SIRPA: variants seen among roughly 807,000 people sequenced by gnomAD.
SIRPA encodes tyrosine-protein phosphatase non-receptor type substrate 1.
A neutral mutation model predicts 50.3 loss-of-function variants in SIRPA; 9 were observed. That is an observed-to-expected ratio of 0.18 (90% CI 0.11 to 0.31). SIRPA has a LOEUF of 0.31. SIRPA is among the 10% of genes least tolerant of loss of function. The pLI is 1.00. For synonymous variants in SIRPA, 265 were observed against 284.1 expected, an observed-to-expected ratio of 0.93 and a Z score of 0.68; for missense variants, 474 against 661.6, an observed-to-expected ratio of 0.72 and a Z score of 3.11.
At chr20:1,895,766 C>T (rs547472341) in intron 1 of SIRPA, among the ~76,000 whole-genome samples, 11 of 152,234 alleles carry the variant, frequency 7.2e-5, no homozygotes, top group Admixed American at 4.6e-4. Flanking sequence ...GACTCTGACT[C>T]TGTGCACTGT....
At chr20:1,894,389 G>A (rs1983629824), upstream of SIRPA, 1 of 152,118 alleles carries the variant, frequency 6.6e-6, no homozygotes, top group African/African-American at 2.4e-5. The surrounding 1 kb of genome is among the most constrained non-coding windows in gnomAD (Gnocchi z 4.0). Context: ...TCCACCTTAA[G>A]AGGACGATGT....
rs1213096005 is a variant in SIRPA, at chr20:1,933,129, C to A, written c.1227-1586C>A. On this transcript the variant is annotated intron_variant, in intron 6 of 7. Coordinates refer to ENST00000358771, the MANE Select transcript of SIRPA (RefSeq NM_001040023.2). This position sits in a 1 kb window ranked among gnomAD's most constrained non-coding sequence, Gnocchi z 4.4. ...GCCCTGGGGCAGCCTGACTGGCATT[C>A]ATTCCAAGTCACTGTTTTTGAGCAC... Among the ~76,000 whole-genome samples the A allele has an allele frequency of 6.6e-6, 1 of 152,192 alleles. No individual in the cohort carries two copies. The highest frequency in any genetic ancestry group is 1.5e-5 in the Non-Finnish European group (1 of 68,032).
rs1353986796 is a variant in SIRPA at position 1,932,955 on chromosome 20, T to C, written c.1227-1760T>C. Among the ~76,000 whole-genome samples the C allele has an allele frequency of 6.6e-6, 1 of 152,196 alleles. No homozygotes were observed. Among genetic ancestry groups the C allele is most frequent in the African/African-American group, 2.4e-5 (1 of 41,446 alleles). Reference sequence around the variant, plus strand: ...AATGATAATTGGTTATTGTCTGAAATTGCTTTGAAAGAGAAGAACCCAATG... The same window carrying C: ...AATGATAATTGGTTATTGTCTGAAACTGCTTTGAAAGAGAAGAACCCAATG... On this transcript the variant is annotated intron_variant, in intron 6 of 7. Transcript: ENST00000358771. This position sits in a 1 kb window ranked among gnomAD's most constrained non-coding sequence, Gnocchi z 6.0.
At chr20:1,929,963 C>T (rs959800955) in intron 6 of SIRPA, among the ~76,000 whole-genome samples, 7 of 152,136 alleles carry the variant, frequency 4.6e-5, no homozygotes, top group African/African-American at 1.4e-4. Flanking sequence ...TCACATTTCA[C>T]GGCTCAACCA....
At chr20:1,919,355 G>A (rs992040170) in intron 2 of SIRPA, among the ~76,000 whole-genome samples, 8 of 152,252 alleles carry the variant, frequency 5.3e-5, no homozygotes, top group African/African-American at 1.9e-4. Flanking sequence ...GACACCCAGA[G>A]GTCACGGAGG....
intron 5 of SIRPA, among the ~76,000 whole-genome samples, chr20:1,925,191 G>A (rs1985908501): frequency 6.6e-6 from 1 of 152,182 alleles, no homozygotes; most frequent in Admixed American, 6.5e-5. Context: ...GTCTCAGGGA[G>A]GACATCGTCT....
At position 1,927,960 on chromosome 20, in the gene SIRPA, C is replaced by A. The variant is rs374177029; in HGVS notation, c.1226+61C>A. On this transcript the variant is annotated intron_variant, in intron 6 of 7. Transcript: ENST00000358771. The surrounding 1 kb of genome is among the most constrained non-coding windows in gnomAD (Gnocchi z 6.5). ...ATTATTTGGTTATTTGACAGCCCCC[C>A]AGACTACAAAGCATAATCCATGTCC... is the stretch of plus-strand genomic sequence containing the variant. 786 of 1,410,346 alleles carry A rather than the reference C, an allele frequency of 5.6e-4. 1 individual carries two copies. The highest frequency in any genetic ancestry group is 5.8e-4 in the Non-Finnish European group (577 of 994,140). The allele number at this position is 1,410,346 out of a possible 1,614,324, so 87.4% of individuals were successfully genotyped here.
chr20:1,897,827 C>T (rs8115734), intron 1 of SIRPA, among the ~76,000 whole-genome samples: 8 of 152,176 alleles, frequency 5.3e-5, no homozygotes, highest in African/African-American at 1.7e-4. Flanking sequence ...CAAATGCTGC[C>T]AAAGGGAAAT....
At position 1,936,831 on chromosome 20, in the gene SIRPA, A is replaced by AACAAACATGGG. The variant is rs1164559410; in HGVS notation, c.1267-488_1267-478dup. On this transcript the variant is annotated intron_variant, in intron 7 of 7. Transcript: ENST00000358771. The surrounding 1 kb of genome is among the most constrained non-coding windows in gnomAD (Gnocchi z 4.2). ...CTGGGTAGCGGGCCCTGTGATGGAA[A>AACAAACATGGG]ACAAACATGGGCTGAGGAAGCACAA... 1.3e-5 allele frequency among the ~76,000 whole-genome samples: 2 copies of AACAAACATGGG among 152,188 alleles called. No homozygotes were observed. The highest frequency in any genetic ancestry group is 2.9e-5 in the Non-Finnish European group (2 of 68,042).
rs1390874199 is a variant in SIRPA, at chr20:1,937,668, G to C, written c.*100G>C. Reference sequence around the variant, plus strand: ...AGCCAACCCAGTTCCCGGAGGGCTGGGGCGGTGCAGGCTCTGGGACCCAGG... The same window carrying C: ...AGCCAACCCAGTTCCCGGAGGGCTGCGGCGGTGCAGGCTCTGGGACCCAGG... On this transcript the variant is annotated 3_prime_UTR_variant, in exon 8 of 8. Transcript: ENST00000358771. This position sits in a 1 kb window ranked among gnomAD's most constrained non-coding sequence, Gnocchi z 8.3. The C allele has an allele frequency of 4.7e-6, 7 of 1,491,778 alleles. No individual in the cohort carries two copies. In the East Asian group the frequency reaches 1.6e-4, roughly 34 times the overall value. The allele number at this position is 1,491,778 out of a possible 1,614,324, so 92.4% of individuals were successfully genotyped here.
intron 1 of SIRPA, among the ~76,000 whole-genome samples, chr20:1,909,367 G>T (rs1362310821): frequency 6.6e-6 from 1 of 152,216 alleles, no homozygotes; most frequent in Non-Finnish European, 1.5e-5. Context: ...GTGCCTGTTG[G>T]CTTCCTTCTC....
At chr20:1,902,521 G>A (rs1162197510) in intron 1 of SIRPA, among the ~76,000 whole-genome samples, 1 of 152,216 alleles carries the variant, frequency 6.6e-6, no homozygotes, top group African/African-American at 2.4e-5. Context: ...GGCTCTAGGT[G>A]CTTGGAGGAT....
At chr20:1,911,340 TAC>T (rs1984876498) in intron 1 of SIRPA, among the ~76,000 whole-genome samples, 1 of 152,280 alleles carries the variant, frequency 6.6e-6, no homozygotes, top group Non-Finnish European at 1.5e-5. Context: ...GAATGTTGAT[TAC>T]AGTTATCTTT....
chr20:1,895,251 C>T (rs1568489785), upstream of SIRPA: 4 of 413,592 alleles, frequency 9.7e-6, no homozygotes, highest in South Asian at 9.2e-5. Flanking sequence ...TCCATTTCTC[C>T]TGGGGGGCGG....
chr20:1,930,988 A>G (rs948040105), intron 6 of SIRPA, among the ~76,000 whole-genome samples: 1 of 152,246 alleles, frequency 6.6e-6, no homozygotes, highest in African/African-American at 2.4e-5. Context: ...AATAGCAGCT[A>G]CCATTTATTG....
chr20:1,902,312 TC>T (rs1371546509), intron 1 of SIRPA, among the ~76,000 whole-genome samples: 1 of 152,032 alleles, frequency 6.6e-6, no homozygotes, highest in Non-Finnish European at 1.5e-5. Flanking sequence ...TGGCCCTTCA[TC>T]CCCACTTTAC....
chr20:1,894,851 A>C (rs1207298340), upstream of SIRPA: 1 of 144,404 alleles, frequency 6.9e-6, no homozygotes, highest in African/African-American at 2.5e-5. The surrounding 1 kb of genome is among the most constrained non-coding windows in gnomAD (Gnocchi z 4.0). Flanking sequence ...AGACGGGAGG[A>C]GGGGAAAGGG....
chr20:1,933,215 T>C lies in SIRPA; in HGVS notation c.1227-1500T>C, dbSNP rs1986386884. Among the ~76,000 whole-genome samples the C allele has an allele frequency of 6.6e-6, 1 of 152,076 alleles. No individual in the cohort carries two copies. The highest frequency in any genetic ancestry group is 1.5e-5 in the Non-Finnish European group (1 of 68,018). On this transcript the variant is annotated intron_variant, in intron 6 of 7. Coordinates refer to ENST00000358771, the MANE Select transcript of SIRPA (RefSeq NM_001040023.2). The surrounding 1 kb of genome is among the most constrained non-coding windows in gnomAD (Gnocchi z 4.4). ...CAGCAATAGAAACCAGATATGCAGA[T>C]AGACAGGAGATCTGAGATTGTCATG... is the stretch of plus-strand genomic sequence containing the variant.
Position 1,909,632 on chromosome 20 carries a change from A to C in SIRPA, c.80-5467A>C, listed in dbSNP as rs1210483278. Among the ~76,000 whole-genome samples the C allele has an allele frequency of 2.0e-5, 3 of 152,124 alleles. No individual in the cohort carries two copies. In the East Asian group the frequency reaches 5.8e-4, roughly 30 times the overall value. ...CTCCATCTCTACTAAAAATACAAAA[A>C]TTAGCCAGGTGTGGTGGCAGGCGCC... On this transcript the variant is annotated intron_variant, in intron 1 of 7. Coordinates refer to ENST00000358771, the MANE Select transcript of SIRPA (RefSeq NM_001040023.2).
Sources: allele counts gnomAD v4.1 joint callset (sites outside exome capture counted in the v4.1 genomes callset), GRCh38; gene constraint gnomAD v4.1.1; non-coding constraint Gnocchi (gnomAD v3.1); transcripts MANE v1.5; gene names NCBI Gene and HGNC (gene_info 2026-07-23, HGNC 2026-07-21).